Variants in ZNF804B observed in about 807,000 individuals in gnomAD.
ZNF804B encodes zinc finger protein 804B, also known as zinc finger 804B.
ZNF804B carries 80 observed loss-of-function variants against 101.4 expected under a neutral mutation model. The observed-to-expected ratio is 0.79, with a 90% CI of 0.66 to 0.95. The LOEUF (loss-of-function observed/expected upper bound fraction) is 0.95. Among genes scored for constraint, ZNF804B ranks in the 40% least tolerant of loss-of-function variants. The probability of loss-of-function intolerance (pLI) is 0.00; values close to 1 mark genes in which losing one functional copy is unlikely to be tolerated. For missense variants in ZNF804B, 1,673 were observed against 1,561.9 expected (o/e 1.07, Z -1.20); for synonymous variants, 622 against 558.8 (o/e 1.11, Z -1.59).
intron 1 of ZNF804B, among the ~76,000 whole-genome samples, chr7:89,103,815 A>G (rs1294949332): frequency 6.6e-6 from 1 of 151,972 alleles, no homozygotes; most frequent in Admixed American, 6.6e-5. Context: ...TCTAATTCTT[A>G]GAGGAAATGC....
At chr7:88,969,619 G>C (rs1793503776) in intron 1 of ZNF804B, among the ~76,000 whole-genome samples, 1 of 151,756 alleles carries the variant, frequency 6.6e-6, no homozygotes, top group East Asian at 2.0e-4. Flanking sequence ...ACATTAAGTT[G>C]TGGTGCCTGT....
In ZNF804B at chr7:88,917,197, G is replaced by A. The variant is rs144446257; in HGVS notation, c.108+157113G>A. 4.7e-3 allele frequency among the ~76,000 whole-genome samples: 720 copies of A among 151,982 alleles called. 6 individuals are homozygous for A. The highest frequency in any genetic ancestry group is 0.017 in the African/African-American group (690 of 41,462). Reference sequence around the variant, plus strand: ...GGAGAATTGCTAGAACCCAGGAGGCGGAGGTTGCAGTGAGCCGAGATCGCA... The same window carrying A: ...GGAGAATTGCTAGAACCCAGGAGGCAGAGGTTGCAGTGAGCCGAGATCGCA... On this transcript the variant is annotated intron_variant, in intron 1 of 3. Transcript: ENST00000333190.
chr7:89,085,141 G>T (rs1217789587), intron 1 of ZNF804B, among the ~76,000 whole-genome samples: 2 of 151,578 alleles, frequency 1.3e-5, no homozygotes, highest in South Asian at 2.1e-4. Context: ...GAATATGCTC[G>T]CCAAATCAAA....
At chr7:89,310,052 T>C (rs1790627818) in intron 2 of ZNF804B, among the ~76,000 whole-genome samples, 1 of 150,446 alleles carries the variant, frequency 6.6e-6, no homozygotes, top group African/African-American at 2.4e-5. Context: ...GGAAGTCTAC[T>C]CAGGTTGACT....
At chr7:89,047,131 C>G (rs1332116503) in intron 1 of ZNF804B, among the ~76,000 whole-genome samples, 2 of 152,058 alleles carry the variant, frequency 1.3e-5, no homozygotes. Context: ...CCATATCACT[C>G]CTTTCTGCTG....
At chr7:88,813,423 TAA>T (rs11431380) in intron 1 of ZNF804B, among the ~76,000 whole-genome samples, 21 of 135,660 alleles carry the variant, frequency 1.5e-4, no homozygotes, top group East Asian at 2.1e-4. Flanking sequence ...AGACTCCATC[TAA>T]AAAAAAAAAA....
chr7:88,788,893 C>T (rs1185451655), intron 1 of ZNF804B, among the ~76,000 whole-genome samples: 1 of 152,116 alleles, frequency 6.6e-6, no homozygotes, highest in Non-Finnish European at 1.5e-5. Flanking sequence ...ATCTTTTCAA[C>T]TGAAATTACA....
chr7:89,125,900 G>A (rs1172159861), intron 1 of ZNF804B, among the ~76,000 whole-genome samples: 2 of 151,822 alleles, frequency 1.3e-5, no homozygotes. Flanking sequence ...AATGCATGTC[G>A]GCTACATGCT....
At position 88,921,007 on chromosome 7, in the gene ZNF804B, T is replaced by A. The variant is rs528340806; in HGVS notation, c.108+160923T>A. Among the ~76,000 whole-genome samples, 4 of 152,180 alleles carry A rather than the reference T, an allele frequency of 2.6e-5. No individual in the cohort carries two copies. The South Asian group carries it at 8.3e-4, about 32-fold the overall frequency. On this transcript the variant is annotated intron_variant, in intron 1 of 3. Coordinates refer to ENST00000333190, the MANE Select transcript of ZNF804B (RefSeq NM_181646.5). ...AAAAGATCTGAACTAGATATCATGA[T>A]TGTAGCTCATGTAATTTTTCTAAAA...
In ZNF804B at chr7:88,900,956, T is replaced by A. The variant is rs1209633189; in HGVS notation, c.108+140872T>A. On this transcript the variant is annotated intron_variant, in intron 1 of 3. Coordinates refer to ENST00000333190, the MANE Select transcript of ZNF804B (RefSeq NM_181646.5). Reference sequence around the variant, plus strand: ...TACATACAGAATTCTCAAAAAGTAATTTAATGATAAATACTTCTAGAAGTA... The same window carrying A: ...TACATACAGAATTCTCAAAAAGTAAATTAATGATAAATACTTCTAGAAGTA... Among the ~76,000 whole-genome samples the A allele has an allele frequency of 2.0e-5, 3 of 151,866 alleles. No homozygotes were observed. In the East Asian group the frequency reaches 5.8e-4, roughly 29 times the overall value.
At chr7:89,081,136 G>C (rs1789691863) in intron 1 of ZNF804B, among the ~76,000 whole-genome samples, 1 of 151,748 alleles carries the variant, frequency 6.6e-6, no homozygotes, top group African/African-American at 2.4e-5. Context: ...ATAGAGCCAA[G>C]ATTGCTCCTT....
intron 1 of ZNF804B, among the ~76,000 whole-genome samples, chr7:88,986,495 G>T (rs1356180734): frequency 6.6e-6 from 1 of 152,076 alleles, no homozygotes; most frequent in Non-Finnish European, 1.5e-5. Flanking sequence ...ATTAAAAACA[G>T]TCTTCTCTAT....
rs566504025 is a variant in ZNF804B, at chr7:89,281,272, A to T, written c.250-46072A>T. ...TATTTTGGCTCCCAGGGGAGAAAAA[A>T]CCAATAGCTCTGTATTAATTATTTT... On this transcript the variant is annotated intron_variant, in intron 2 of 3. Coordinates refer to ENST00000333190, the MANE Select transcript of ZNF804B (RefSeq NM_181646.5). 3.3e-3 allele frequency among the ~76,000 whole-genome samples: 496 copies of T among 152,292 alleles called. 4 individuals carry two copies. Among genetic ancestry groups the T allele is most frequent in the African/African-American group, 0.012 (482 of 41,570 alleles).
intron 1 of ZNF804B, among the ~76,000 whole-genome samples, chr7:89,214,984 T>A (rs2115687647): frequency 6.6e-6 from 1 of 152,314 alleles, no homozygotes; most frequent in African/African-American, 2.4e-5. Flanking sequence ...AATTACTAAA[T>A]ATCAGTTGCC....
At chr7:89,072,725 G>A (rs73391232) in intron 1 of ZNF804B, among the ~76,000 whole-genome samples, 3,528 of 152,158 alleles carry the variant, frequency 0.023, 165 homozygotes, top group African/African-American at 0.08. Flanking sequence ...AGAATAATAT[G>A]TTGTTTGAGA....
chr7:88,779,199 T>G (rs1790188810), intron 1 of ZNF804B, among the ~76,000 whole-genome samples: 1 of 152,188 alleles, frequency 6.6e-6, no homozygotes, highest in South Asian at 2.1e-4. Flanking sequence ...GAGATTAAGT[T>G]GAAGATTTTA....
At chr7:89,146,960 G>A (rs914448545) in intron 1 of ZNF804B, among the ~76,000 whole-genome samples, 11 of 151,570 alleles carry the variant, frequency 7.3e-5, no homozygotes, top group Admixed American at 1.3e-4. Context: ...AGCCTGGGAA[G>A]TGCGGGTTGC....
At chr7:89,215,529 G>C (rs529777579) in intron 1 of ZNF804B, among the ~76,000 whole-genome samples, 2 of 145,770 alleles carry the variant, frequency 1.4e-5, no homozygotes, top group South Asian at 4.4e-4. Flanking sequence ...CTAAGGCAGT[G>C]TTGACCAATG....
At chr7:89,081,635 A>G (rs1789699803) in intron 1 of ZNF804B, among the ~76,000 whole-genome samples, 1 of 151,800 alleles carries the variant, frequency 6.6e-6, no homozygotes, top group Admixed American at 6.6e-5. Flanking sequence ...ATCCTGAGAT[A>G]TAGCTGGGGA....
Sources: allele counts gnomAD v4.1 joint callset (sites outside exome capture counted in the v4.1 genomes callset), GRCh38; gene constraint gnomAD v4.1.1; transcripts MANE v1.5; gene names NCBI Gene and HGNC (gene_info 2026-07-23, HGNC 2026-07-21).